NPAS3: variants seen among roughly 807,000 people sequenced by gnomAD.
NPAS3 encodes the protein neuronal PAS domain-containing protein 3.
NPAS3 carries 14 observed loss-of-function variants against 73.1 expected under a neutral mutation model. The ratio of observed to expected loss-of-function variants is 0.19; its 90% CI spans 0.13 to 0.30. NPAS3 has a LOEUF of 0.30. Among genes scored for constraint, NPAS3 ranks in the 10% least tolerant of loss-of-function variants. The pLI is 1.00. For synonymous variants in NPAS3, 620 were observed against 541.5 expected, an observed-to-expected ratio of 1.14 and a Z score of -2.01; for missense variants, 1,096 against 1,250.0, an observed-to-expected ratio of 0.88 and a Z score of 1.86.
chr14:33,100,357 T>A (rs1207472550), intron 2 of NPAS3, among the ~76,000 whole-genome samples: 1 of 152,208 alleles, frequency 6.6e-6, no homozygotes, highest in Non-Finnish European at 1.5e-5. Flanking sequence ...AGTTTATTGC[T>A]AAGAGTTAAT....
At chr14:32,971,204 C>A (rs1267013128) in intron 1 of NPAS3, among the ~76,000 whole-genome samples, 1 of 151,878 alleles carries the variant, frequency 6.6e-6, no homozygotes, top group Non-Finnish European at 1.5e-5. Context: ...CCTGCCTCAG[C>A]CTCTGGAGTA....
chr14:33,409,442 CCTAA>C (rs1437625238), intron 4 of NPAS3, among the ~76,000 whole-genome samples: 2 of 152,022 alleles, frequency 1.3e-5, no homozygotes, highest in African/African-American at 2.4e-5. Context: ...TTTGTTTCAT[CCTAA>C]CTTAGAATTT....
At chr14:33,412,145 G>T (rs572476392) in intron 4 of NPAS3, among the ~76,000 whole-genome samples, 34 of 151,092 alleles carry the variant, frequency 2.3e-4, no homozygotes, top group Non-Finnish European at 4.1e-4. Flanking sequence ...TATAGACAGG[G>T]TCTCACTCTG....
intron 2 of NPAS3, among the ~76,000 whole-genome samples, chr14:33,074,172 A>G (rs1400879636): frequency 6.6e-6 from 1 of 152,230 alleles, no homozygotes; most frequent in Non-Finnish European, 1.5e-5. Context: ...GTTGGGCTGG[A>G]ATAGGCAGCC....
chr14:33,538,665 G>A (rs896605944), intron 4 of NPAS3, among the ~76,000 whole-genome samples: 6 of 152,184 alleles, frequency 3.9e-5, no homozygotes, highest in African/African-American at 1.4e-4. Flanking sequence ...GGAAAAGATA[G>A]GGTAACCTAG....
chr14:33,799,924 C>T, exon 12 of NPAS3: 1 of 1,614,178 alleles, frequency 6.2e-7, no homozygotes, highest in Non-Finnish European at 8.5e-7. Flanking sequence ...ACTTTGAGAA[C>T]CCCAAGGCGG....
At chr14:33,583,712 G>C (rs1164390971) in intron 5 of NPAS3, among the ~76,000 whole-genome samples, 2 of 152,174 alleles carry the variant, frequency 1.3e-5, no homozygotes, top group Non-Finnish European at 2.9e-5. Context: ...AGAGACTATA[G>C]ACATATGTAG....
intron 4 of NPAS3, among the ~76,000 whole-genome samples, chr14:33,553,653 G>A (rs1477018044): frequency 1.3e-5 from 2 of 152,194 alleles, no homozygotes; most frequent in African/African-American, 2.4e-5. Context: ...GGAACAGAAA[G>A]CTCTTAGAGA....
At chr14:33,725,859 CCTT>C (rs2061250737) in intron 6 of NPAS3, among the ~76,000 whole-genome samples, 1 of 152,164 alleles carries the variant, frequency 6.6e-6, no homozygotes, top group African/African-American at 2.4e-5. Flanking sequence ...AAAACCCTGT[CCTT>C]CTTCCACTTC....
intron 2 of NPAS3, among the ~76,000 whole-genome samples, chr14:33,061,209 C>T (rs938463273): frequency 6.6e-5 from 10 of 152,136 alleles, no homozygotes; most frequent in African/African-American, 1.9e-4. Flanking sequence ...GGAAAGGTCA[C>T]GGAGGCTCCA....
chr14:33,042,590 C>A (rs1392060056), intron 1 of NPAS3, among the ~76,000 whole-genome samples: 3 of 152,144 alleles, frequency 2.0e-5, no homozygotes, highest in Non-Finnish European at 4.4e-5. Flanking sequence ...TAATTATGTC[C>A]ATTATTGTCT....
intron 4 of NPAS3, among the ~76,000 whole-genome samples, chr14:33,544,800 A>ATATG (rs1555409929): frequency 1.2e-5 from 1 of 84,602 alleles, no homozygotes; most frequent in African/African-American, 5.5e-5. Flanking sequence ...ATATATATAT[A>ATATG]TATATATATA....
intron 4 of NPAS3, among the ~76,000 whole-genome samples, chr14:33,556,970 GC>G (rs1388747291): frequency 6.6e-6 from 1 of 152,184 alleles, no homozygotes; most frequent in Non-Finnish European, 1.5e-5. Context: ...TGTGTACCAA[GC>G]CATGGCTATC....
At chr14:33,510,832 G>T (rs983624066) in intron 4 of NPAS3, among the ~76,000 whole-genome samples, 2 of 152,022 alleles carry the variant, frequency 1.3e-5, no homozygotes, top group African/African-American at 4.8e-5. Flanking sequence ...AAGGCAAAAC[G>T]TACCCCCTCA....
Position 33,298,326 on chromosome 14 carries a change from T to C in NPAS3, c.386-68860T>C, listed in dbSNP as rs145648685. ...TTGAGGCACTTCCTGCAGTGAAAGG[T>C]CTTTGGTGGTTTCCAATAAAACACC... On this transcript the variant is annotated intron_variant, in intron 3 of 11. Coordinates refer to ENST00000356141, the Ensembl canonical transcript of NPAS3. Among the ~76,000 whole-genome samples, 930 of 152,208 alleles carry C rather than the reference T, an allele frequency of 6.1e-3. 12 individuals are homozygous for C. The highest frequency in any genetic ancestry group is 0.021 in the African/African-American group (856 of 41,534).
At chr14:33,385,637 G>A (rs908043124) in intron 4 of NPAS3, among the ~76,000 whole-genome samples, 1 of 152,100 alleles carries the variant, frequency 6.6e-6, no homozygotes, top group African/African-American at 2.4e-5. Context: ...GCACATCAGG[G>A]TGGCACCAGA....
chr14:33,065,590 T>A (rs191625084), intron 2 of NPAS3, among the ~76,000 whole-genome samples: 2 of 152,180 alleles, frequency 1.3e-5, no homozygotes, highest in Admixed American at 1.3e-4. Context: ...ATTTGAGAAT[T>A]CTTTGGAATT....
Position 33,500,655 on chromosome 14 carries a change from A to G in NPAS3, c.469-59466A>G, listed in dbSNP as rs566765679. Among the ~76,000 whole-genome samples the G allele has an allele frequency of 1.4e-3, 210 of 152,048 alleles. 1 individual carries two copies. Among genetic ancestry groups the G allele is most frequent in the Middle Eastern group, 6.8e-3 (2 of 294 alleles). ...TAGATATGATTCTTGTCTGGCTTGG[A>G]TGTTTGTTACATCAGCTTTAAAAAA... On this transcript the variant is annotated intron_variant, in intron 4 of 11. Coordinates refer to ENST00000356141, the Ensembl canonical transcript of NPAS3.
chr14:33,397,710 C>T (rs965621696), intron 4 of NPAS3, among the ~76,000 whole-genome samples: 8 of 152,012 alleles, frequency 5.3e-5, no homozygotes, highest in Admixed American at 1.3e-4. Flanking sequence ...ATGAGAAAAC[C>T]GATGTATGGA....
Sources: allele counts gnomAD v4.1 joint callset (sites outside exome capture counted in the v4.1 genomes callset), GRCh38; gene constraint gnomAD v4.1.1; transcripts MANE v1.5; gene names NCBI Gene and HGNC (gene_info 2026-07-23, HGNC 2026-07-21).